The following TBC1D19 variants were observed in gnomAD, a reference collection of about 807,000 sequenced individuals.
TBC1D19 encodes the protein TBC1 domain family member 19.
In TBC1D19, 60 loss-of-function variants were observed where a neutral mutation model predicts 89.0. The observed-to-expected ratio is 0.67, with a 90% CI of 0.55 to 0.84. The LOEUF (loss-of-function observed/expected upper bound fraction) is 0.84. Among genes scored for constraint, TBC1D19 ranks in the 40% least tolerant of loss-of-function variants. The pLI, the probability that TBC1D19 is intolerant of heterozygous loss-of-function variation, is 0.00. For synonymous variants in TBC1D19, 189 were observed against 199.7 expected (o/e 0.95, Z 0.45); for missense variants, 500 against 610.8 (o/e 0.82, Z 1.91).
intron 7 of TBC1D19, among the ~76,000 whole-genome samples, chr4:26,642,932 A>G (rs1281549797): frequency 1.3e-5 from 2 of 152,204 alleles, no homozygotes; most frequent in Non-Finnish European, 2.9e-5. Flanking sequence ...TCAAAAAGCA[A>G]GTCCTGAGAC....
At chr4:26,655,936 G>C (rs1053108349) in intron 7 of TBC1D19, among the ~76,000 whole-genome samples, 7 of 152,184 alleles carry the variant, frequency 4.6e-5, no homozygotes, top group Admixed American at 3.3e-4. Context: ...AGTTGGAAAT[G>C]CAGAAATCGT....
intron 16 of TBC1D19, among the ~76,000 whole-genome samples, chr4:26,735,842 T>C (rs1054890422): frequency 1.3e-5 from 2 of 151,768 alleles, no homozygotes; most frequent in Non-Finnish European, 1.5e-5. Context: ...AAAACCACAA[T>C]GAGATACCAT....
chr4:26,671,147 G>A (rs187993196), intron 9 of TBC1D19, among the ~76,000 whole-genome samples: 67 of 151,792 alleles, frequency 4.4e-4, no homozygotes, highest in Admixed American at 2.2e-3. Flanking sequence ...TTTGTACCAA[G>A]TTCTACTCCC....
At chr4:26,593,740 T>C (rs1739995046) in intron 1 of TBC1D19, among the ~76,000 whole-genome samples, 1 of 152,196 alleles carries the variant, frequency 6.6e-6, no homozygotes, top group Non-Finnish European at 1.5e-5. Context: ...CGTGAAATAA[T>C]GCTCATCATC....
chr4:26,596,436 A>G lies in TBC1D19; in HGVS notation c.99+12144A>G, dbSNP rs9990590. Among the ~76,000 whole-genome samples, 1,054 of 149,908 alleles carry G rather than the reference A, an allele frequency of 7.0e-3. 9 individuals are homozygous for G. The highest frequency in any genetic ancestry group is 0.024 in the African/African-American group (977 of 40,498). ...TTAATGTCTGAAAAAATCTGTTACC[A>G]TTTCTGATAATGGTAACTCGTGTGT... is the stretch of plus-strand genomic sequence containing the variant. On this transcript the variant is annotated intron_variant, in intron 1 of 20. Transcript: ENST00000264866.
At chr4:26,714,495 G>A (rs1376649385) in intron 13 of TBC1D19, among the ~76,000 whole-genome samples, 1 of 151,894 alleles carries the variant, frequency 6.6e-6, no homozygotes, top group African/African-American at 2.4e-5. Flanking sequence ...ATTCATTTTT[G>A]CTGTTTCTTC....
intron 18 of TBC1D19, among the ~76,000 whole-genome samples, chr4:26,745,075 T>C (rs1209850825): frequency 6.6e-6 from 1 of 152,170 alleles, no homozygotes; most frequent in African/African-American, 2.4e-5. Flanking sequence ...TTTATTATTA[T>C]ATAATGTCCT....
chr4:26,663,657 A>G (rs1711533606), intron 8 of TBC1D19, among the ~76,000 whole-genome samples: 1 of 152,208 alleles, frequency 6.6e-6, no homozygotes, highest in African/African-American at 2.4e-5. Flanking sequence ...AAGAAATTGT[A>G]GCTATATGAT....
chr4:26,622,121 C>T (rs1049247112), intron 4 of TBC1D19, among the ~76,000 whole-genome samples: 38 of 151,996 alleles, frequency 2.5e-4, no homozygotes, highest in Admixed American at 1.7e-3. Flanking sequence ...GGAGGGATAG[C>T]ATTAGGAGAT....
chr4:26,759,023 C>T (rs1258333822), downstream of TBC1D19, among the ~76,000 whole-genome samples: 1 of 152,178 alleles, frequency 6.6e-6, no homozygotes, highest in Non-Finnish European at 1.5e-5. Flanking sequence ...ACAGCTTCCT[C>T]TGCTTAGAAT....
the TBC1D19 span, among the ~76,000 whole-genome samples, chr4:26,823,294 C>G: frequency 6.6e-6 from 1 of 152,154 alleles, no homozygotes; most frequent in African/African-American, 2.4e-5. Context: ...CACCGGGTCC[C>G]TCCCACAACA....
At chr4:26,769,024 T>C in the TBC1D19 span, among the ~76,000 whole-genome samples, 8 of 151,916 alleles carry the variant, frequency 5.3e-5, no homozygotes, top group Non-Finnish European at 1.0e-4. Context: ...TAAATTTAGC[T>C]AAAACTAGTT....
At chr4:26,714,451 A>C (rs540018750) in intron 13 of TBC1D19, among the ~76,000 whole-genome samples, 286 of 152,102 alleles carry the variant, frequency 1.9e-3, no homozygotes, top group African/African-American at 6.6e-3. Flanking sequence ...CCAATTATCC[A>C]TCCTCCTTTT....
downstream of TBC1D19, among the ~76,000 whole-genome samples, chr4:26,759,988 T>A (rs987816940): frequency 1.3e-5 from 2 of 152,152 alleles, no homozygotes; most frequent in African/African-American, 4.8e-5. Context: ...GAGTAGGATT[T>A]CTGGGTTATG....
intron 13 of TBC1D19, among the ~76,000 whole-genome samples, chr4:26,698,661 A>G (rs1459489651): frequency 6.6e-6 from 1 of 152,212 alleles, no homozygotes; most frequent in Non-Finnish European, 1.5e-5. Flanking sequence ...CTACCAAAAC[A>G]GAGATATAGA....
chr4:26,638,706 T>G, intron 5 of TBC1D19, 65 bp from the exon 6 acceptor site: 1 of 1,234,660 alleles, frequency 8.1e-7, no homozygotes, highest in Non-Finnish European at 1.2e-6. Flanking sequence ...TTGATTCTTG[T>G]TTTTAGTTGT....
At chr4:26,699,580 A>G (rs1715132011) in intron 13 of TBC1D19, among the ~76,000 whole-genome samples, 1 of 152,204 alleles carries the variant, frequency 6.6e-6, no homozygotes, top group African/African-American at 2.4e-5. Flanking sequence ...TTATTGCGGC[A>G]CTATTCACAA....
At chr4:26,597,192 GTCTATT>G (rs558896210) in intron 1 of TBC1D19, among the ~76,000 whole-genome samples, 1 of 152,152 alleles carries the variant, frequency 6.6e-6, no homozygotes, top group East Asian at 1.9e-4. Flanking sequence ...TTATGTATTA[GTCTATT>G]TCTCTTTTTA....
chr4:26,578,061 A>C (rs1481038231), intron 1 of TBC1D19, among the ~76,000 whole-genome samples: 1 of 152,134 alleles, frequency 6.6e-6, no homozygotes, highest in Admixed American at 6.5e-5. Flanking sequence ...TTGCTAAGAC[A>C]CCCACTTTGT....
Sources: allele counts gnomAD v4.1 joint callset (sites outside exome capture counted in the v4.1 genomes callset), GRCh38; gene constraint gnomAD v4.1.1; transcripts MANE v1.5; gene names NCBI Gene and HGNC (gene_info 2026-07-23, HGNC 2026-07-21).